MARCHF2: variants seen among roughly 807,000 people sequenced by gnomAD.
The protein encoded by MARCHF2 is E3 ubiquitin-protein ligase MARCHF2.
Under a neutral mutation model 24.0 loss-of-function variants are expected in MARCHF2, and 22 were observed. The ratio of observed to expected loss-of-function variants is 0.92; its 90% CI spans 0.66 to 1.31. The LOEUF is 1.31. Ranked by LOEUF, MARCHF2 falls within the 50% of genes most tolerant of loss-of-function variation. The pLI is 0.00. For missense variants in MARCHF2, 301 were observed against 335.3 expected (o/e 0.90, Z 0.80); for synonymous variants, 154 against 153.0 (o/e 1.01, Z -0.05).
intron 3 of MARCHF2, among the ~76,000 whole-genome samples, chr19:8,429,956 GT>G (rs1467557307): frequency 2.0e-5 from 3 of 151,982 alleles, no homozygotes; most frequent in Admixed American, 6.6e-5. Context: ...AGCTGTGTGA[GT>G]TTGCTCACTT....
At chr19:8,438,111 T>C (rs1369463228) in intron 4 of MARCHF2, among the ~76,000 whole-genome samples, 4 of 152,128 alleles carry the variant, frequency 2.6e-5, no homozygotes, top group Admixed American at 2.6e-4. Flanking sequence ...TTTCACTCCT[T>C]TCCCACTGAG....
chr19:8,419,830 T>TA (rs1568235336), intron 1 of MARCHF2, among the ~76,000 whole-genome samples: 1 of 130,176 alleles, frequency 7.7e-6, no homozygotes, highest in Non-Finnish European at 1.6e-5. Context: ...AAAAAATAAA[T>TA]AAATAAATAA....
chr19:8,414,418 G>A (rs1225189819), intron 1 of MARCHF2, among the ~76,000 whole-genome samples: 1 of 151,850 alleles, frequency 6.6e-6, no homozygotes, highest in Non-Finnish European at 1.5e-5. Context: ...ACAGGCCCCC[G>A]CCACCGTGCC....
chr19:8,416,866 C>A (rs547482231), intron 1 of MARCHF2, among the ~76,000 whole-genome samples: 1 of 152,122 alleles, frequency 6.6e-6, no homozygotes, highest in South Asian at 2.1e-4. Flanking sequence ...GCGCCAGGCC[C>A]CAGACAGCAT....
intron 2 of MARCHF2, among the ~76,000 whole-genome samples, chr19:8,423,986 A>AG (rs1491259427): frequency 3.5e-5 from 1 of 28,502 alleles, no homozygotes; most frequent in Admixed American, 5.5e-4. Context: ...TGGGTGACTC[A>AG]AAAAAAAAAA....
In MARCHF2 at chr19:8,419,003, G is replaced by C. The variant is rs929831616; in HGVS notation, c.-52-2786G>C. On this transcript the variant is annotated intron_variant, in intron 1 of 4. Coordinates refer to ENST00000215555, the MANE Select transcript of MARCHF2 (RefSeq NM_001005415.2). ...GGACAAGCTGGGAACAGAGATCCTT[G>C]GCTCCAGGGCACCTGTATTGGCTTC... is the stretch of plus-strand genomic sequence containing the variant. Among the ~76,000 whole-genome samples, 10 of 152,008 alleles carry C rather than the reference G, an allele frequency of 6.6e-5. No individual in the cohort carries two copies. In the South Asian group the frequency reaches 8.3e-4, roughly 13 times the overall value.
intron 1 of MARCHF2, among the ~76,000 whole-genome samples, chr19:8,416,178 CTA>C (rs2145530459): frequency 6.6e-6 from 1 of 151,926 alleles, no homozygotes; most frequent in African/African-American, 2.4e-5. Context: ...CCTGTCTCTA[CTA>C]AAAATACAAA....
intron 4 of MARCHF2, among the ~76,000 whole-genome samples, chr19:8,433,716 T>C (rs1236578297): frequency 2.0e-5 from 3 of 150,128 alleles, no homozygotes; most frequent in Admixed American, 6.7e-5. Flanking sequence ...AAAGAAAAAT[T>C]AGCCAGGTGT....
rs980944633 is a variant in MARCHF2, at chr19:8,435,641, C to T, written c.583-2747C>T. On this transcript the variant is annotated intron_variant, in intron 4 of 4. Coordinates refer to ENST00000215555, the MANE Select transcript of MARCHF2 (RefSeq NM_001005415.2). ...GCAACCTCTACCTCCTGGGCTCAAGCGATCCTCCCACCTCGGCCCTCCCAA... is the reference window on the plus strand; with the variant it reads ...GCAACCTCTACCTCCTGGGCTCAAGTGATCCTCCCACCTCGGCCCTCCCAA... Among the ~76,000 whole-genome samples, 10 of 152,076 alleles carry T rather than the reference C, an allele frequency of 6.6e-5. No individual in the cohort carries two copies. In the East Asian group the frequency reaches 1.4e-3, roughly 21 times the overall value.
intron 1 of MARCHF2, among the ~76,000 whole-genome samples, chr19:8,420,191 A>ATAAG (rs1967196775): frequency 6.8e-6 from 1 of 146,994 alleles, no homozygotes; most frequent in Non-Finnish European, 1.5e-5. Context: ...AAATAAATAA[A>ATAAG]TAAATAATTA....
intron 2 of MARCHF2, among the ~76,000 whole-genome samples, chr19:8,424,624 G>A (rs1266742435): frequency 1.3e-5 from 2 of 151,224 alleles, no homozygotes; most frequent in African/African-American, 2.4e-5. Flanking sequence ...CCGAGATCGC[G>A]CCACTGCACT....
chr19:8,415,413 C>G (rs1407322266), intron 1 of MARCHF2, among the ~76,000 whole-genome samples: 2 of 142,998 alleles, frequency 1.4e-5, no homozygotes, highest in Admixed American at 1.4e-4. Context: ...AAAAAAAAAA[C>G]AGACAAAAGA....
chr19:8,419,221 C>T (rs558378992), intron 1 of MARCHF2, among the ~76,000 whole-genome samples: 6 of 151,962 alleles, frequency 3.9e-5, no homozygotes, highest in East Asian at 2.0e-4. Context: ...ATTAGCCGGG[C>T]GTGGTGGCTC....
At position 8,438,478 on chromosome 19, in the gene MARCHF2, G is replaced by T. The variant is rs558627246; in HGVS notation, c.673G>T (p.Glu225Ter). The T allele has an allele frequency of 6.2e-7, 1 of 1,614,096 alleles. No individual in the cohort carries two copies. Among genetic ancestry groups the T allele is most frequent in the South Asian group, 1.1e-5 (1 of 91,082 alleles). Residue 225 changes from glutamate (E) to a stop codon, truncating the protein, a stop_gained, in exon 5 of 5, where the codon GAG becomes TAG. Coordinates refer to ENST00000215555, the MANE Select transcript of MARCHF2 (RefSeq NM_001005415.2). LOFTEE classifies it high-confidence loss of function. ...RLKIREADSPEGPQHSPLAAG... is the reference protein window; with the variant it reads ...RLKIREADSP ...GAAGATCCGGGAGGCGGACAGCCCC[G>T]AGGGCCCCCAGCATTCTCCACTGGC... is the stretch of plus-strand genomic sequence containing the variant.
At chr19:8,422,165 G>A in intron 2 of MARCHF2, 149 bp downstream of exon 2, 1 of 833,850 alleles carries the variant, frequency 1.2e-6, no homozygotes, top group South Asian at 2.1e-5. Flanking sequence ...TTATCGCCTT[G>A]TGGAAACAGA....
chr19:8,428,937 A>G (rs1182110550), intron 3 of MARCHF2, among the ~76,000 whole-genome samples: 1 of 147,940 alleles, frequency 6.8e-6, no homozygotes, highest in Non-Finnish European at 1.5e-5. Flanking sequence ...CTCCGTCTCA[A>G]AAAACAAAAA....
At chr19:8,429,805 T>G (rs1002168347) in intron 3 of MARCHF2, among the ~76,000 whole-genome samples, 11 of 1,796 alleles carry the variant, frequency 6.1e-3, no homozygotes, top group Non-Finnish European at 0.04. Context: ...CACCAGGGCT[T>G]TTTTTTTTTT....
intron 1 of MARCHF2, among the ~76,000 whole-genome samples, chr19:8,415,396 A>G (rs984639979): frequency 5.4e-5 from 8 of 149,444 alleles, no homozygotes; most frequent in Non-Finnish European, 8.9e-5. Flanking sequence ...CTGCCTCAAA[A>G]GAAAAAAAAA....
intron 3 of MARCHF2, among the ~76,000 whole-genome samples, 186 bp downstream of exon 3, chr19:8,426,990 C>T (rs745824075): frequency 6.6e-6 from 1 of 152,082 alleles, no homozygotes; most frequent in Non-Finnish European, 1.5e-5. Flanking sequence ...AGCTCCCAGA[C>T]CCATTAACCT....
Sources: gnomAD v4.1 joint callset for allele counts (sites outside exome capture counted in the v4.1 genomes callset) on GRCh38, gnomAD v4.1.1 for gene constraint, MANE v1.5 for transcripts, NCBI Gene and HGNC (gene_info 2026-07-23, HGNC 2026-07-21) for gene names.